The following CLVS1 variants were observed in gnomAD, a reference collection of about 807,000 sequenced individuals.
CLVS1 encodes clavesin 1.
Under a neutral mutation model 33.1 loss-of-function variants are expected in CLVS1, and 10 were observed. That is an observed-to-expected ratio of 0.30 (90% CI 0.19 to 0.51). The LOEUF (loss-of-function observed/expected upper bound fraction) is 0.51. Among genes scored for constraint, CLVS1 ranks in the 20% least tolerant of loss-of-function variants. CLVS1 has a pLI of 0.97. For missense variants in CLVS1, 343 were observed against 433.4 expected, an observed-to-expected ratio of 0.79 and a Z score of 1.85; for synonymous variants, 163 against 166.1, an observed-to-expected ratio of 0.98 and a Z score of 0.14.
chr8:61,387,411 A>C (rs1281683971), intron 3 of CLVS1, among the ~76,000 whole-genome samples: 1 of 150,226 alleles, frequency 6.7e-6, no homozygotes, highest in Non-Finnish European at 1.5e-5. Context: ...AAACAAAAAA[A>C]CCCAAGAATT....
At chr8:61,094,532 T>C (rs1481172875) in intron 1 of CLVS1, among the ~76,000 whole-genome samples, 8 of 152,350 alleles carry the variant, frequency 5.3e-5, no homozygotes, top group East Asian at 3.9e-4. Context: ...TGTTATGTAC[T>C]GAATTGTGTC....
intron 3 of CLVS1, among the ~76,000 whole-genome samples, chr8:61,386,590 G>A (rs1347091455): frequency 6.6e-6 from 1 of 152,162 alleles, no homozygotes; most frequent in African/African-American, 2.4e-5. Flanking sequence ...CTCTGATGTG[G>A]GAATTTCTAG....
rs557247281 is a variant in CLVS1, at chr8:61,418,245, T to C, written c.631-35896T>C. 2.6e-5 allele frequency among the ~76,000 whole-genome samples: 4 copies of C among 152,256 alleles called. No individual in the cohort carries two copies. In the East Asian group the frequency reaches 7.7e-4, roughly 29 times the overall value. The stretch of plus-strand genomic sequence containing the variant: ...AGAGTCAGGCATGTTGGTGTGCAAC[T>C]GTAATCCTTGCTGAGGAGGCTGAGG... On this transcript the variant is annotated intron_variant, in intron 3 of 5. Transcript: ENST00000325897.
intron 3 of CLVS1, among the ~76,000 whole-genome samples, chr8:61,424,754 G>T (rs1057414685): frequency 6.6e-6 from 1 of 152,138 alleles, no homozygotes; most frequent in Admixed American, 6.5e-5. Flanking sequence ...AATTTGCTGT[G>T]CATTCCAGTT....
the CLVS1 span, among the ~76,000 whole-genome samples, chr8:60,997,320 G>A: frequency 1.3e-5 from 2 of 152,200 alleles, no homozygotes; most frequent in Admixed American, 1.3e-4. Flanking sequence ...CCTGGGAGCT[G>A]TCGCAATTAG....
At chr8:61,183,718 C>G (rs765898024) in intron 2 of CLVS1, among the ~76,000 whole-genome samples, 23 of 152,052 alleles carry the variant, frequency 1.5e-4, no homozygotes, top group Admixed American at 2.6e-4. Flanking sequence ...TTTGCAACTC[C>G]TATTTCTCAC....
Position 61,074,009 on chromosome 8 carries a change from C to CAAA in CLVS1, c.-243+16799_-243+16801dup, listed in dbSNP as rs35959369. On this transcript the variant is annotated intron_variant, in intron 1 of 2. Coordinates refer to the CLVS1 transcript ENST00000522621. ...CCTGGGCAACAGTGAGACTCCGTCT[C>CAAA]AAAAAAAAAAAAAAAAAAAAAATTA... is the stretch of plus-strand genomic sequence containing the variant. Among the ~76,000 whole-genome samples, 88 of 70,246 alleles carry CAAA rather than the reference C, an allele frequency of 1.3e-3. 1 individual carries two copies. Among genetic ancestry groups the CAAA allele is most frequent in the African/African-American group, 3.9e-3 (80 of 20,472 alleles). The allele number at this position is 70,246 out of a possible 152,430, so 46.1% of individuals were successfully genotyped here.
intron 2 of CLVS1, among the ~76,000 whole-genome samples, chr8:61,198,959 A>C (rs1380779028): frequency 6.6e-6 from 1 of 152,104 alleles, no homozygotes; most frequent in Non-Finnish European, 1.5e-5. Flanking sequence ...TTCTTTATCC[A>C]CTTATTGGTT....
intron 3 of CLVS1, among the ~76,000 whole-genome samples, chr8:61,436,267 A>G (rs1563552598): frequency 1.3e-5 from 2 of 152,140 alleles, no homozygotes; most frequent in Non-Finnish European, 2.9e-5. Flanking sequence ...ACAAAACAAA[A>G]CAAGAACCAC....
At chr8:61,148,825 A>G (rs531486517) in intron 2 of CLVS1, among the ~76,000 whole-genome samples, 1 of 152,284 alleles carries the variant, frequency 6.6e-6, no homozygotes, top group East Asian at 1.9e-4. Context: ...AGAAAAGAAG[A>G]CTGATGTGTG....
the CLVS1 span, among the ~76,000 whole-genome samples, chr8:61,006,884 G>C: frequency 9.9e-5 from 15 of 152,214 alleles, no homozygotes; most frequent in African/African-American, 2.6e-4. Flanking sequence ...AACTGTAAAG[G>C]ATTCAAAATA....
intron 2 of CLVS1, among the ~76,000 whole-genome samples, chr8:61,313,937 G>A (rs558479560): frequency 1.3e-5 from 2 of 152,126 alleles, no homozygotes; most frequent in East Asian, 1.9e-4. Flanking sequence ...TCATGGGCTC[G>A]GCAGGGGCTG....
intron 2 of CLVS1, among the ~76,000 whole-genome samples, chr8:61,241,476 T>C (rs1406210530): frequency 1.3e-5 from 2 of 152,228 alleles, no homozygotes; most frequent in Non-Finnish European, 2.9e-5. Context: ...TATTCCAATA[T>C]ATAATCTTAA....
At chr8:61,177,075 G>GGGGGC (rs1380988114) in intron 2 of CLVS1, among the ~76,000 whole-genome samples, 1 of 152,104 alleles carries the variant, frequency 6.6e-6, no homozygotes, top group East Asian at 1.9e-4. Flanking sequence ...GGAGTGGCGA[G>GGGGGC]GGGGCGGGGC....
intron 2 of CLVS1, among the ~76,000 whole-genome samples, chr8:61,318,021 T>G (rs1811070311): frequency 6.6e-6 from 1 of 152,210 alleles, no homozygotes; most frequent in Non-Finnish European, 1.5e-5. Context: ...AGTAAGGGAC[T>G]GTAGCTAGTA....
intron 2 of CLVS1, among the ~76,000 whole-genome samples, chr8:61,208,771 A>G (rs1461853918): frequency 6.6e-6 from 1 of 152,064 alleles, no homozygotes; most frequent in Non-Finnish European, 1.5e-5. Flanking sequence ...TATTTTTGGT[A>G]GAGATGGGGT....
intron 3 of CLVS1, among the ~76,000 whole-genome samples, chr8:61,443,682 T>A (rs1456036195): frequency 6.6e-6 from 1 of 152,194 alleles, no homozygotes; most frequent in African/African-American, 2.4e-5. Context: ...AATAATTCCT[T>A]CCACTTTATT....
chr8:61,215,682 ATGTGTGTGTGTG>A (rs72193127), intron 2 of CLVS1, among the ~76,000 whole-genome samples: 17,435 of 143,728 alleles, frequency 0.12, 1,291 homozygotes, highest in African/African-American at 0.19. Flanking sequence ...GAAATTGAAA[ATGTGTGTGTGTG>A]TGTGTGTGTG....
chr8:61,374,404 C>T (rs899212840), intron 2 of CLVS1, among the ~76,000 whole-genome samples: 3 of 152,182 alleles, frequency 2.0e-5, no homozygotes, highest in Non-Finnish European at 4.4e-5. Flanking sequence ...GAAAGCTTAT[C>T]TCGGCTCAGA....
Sources: allele counts gnomAD v4.1 joint callset (sites outside exome capture counted in the v4.1 genomes callset), GRCh38; gene constraint gnomAD v4.1.1; transcripts MANE v1.5; gene names NCBI Gene and HGNC (gene_info 2026-07-23, HGNC 2026-07-21).